BCL2: variants seen among roughly 807,000 people sequenced by gnomAD.
BCL2 encodes apoptosis regulator Bcl-2.
BCL2 carries 1 observed loss-of-function variant against 14.2 expected under a neutral mutation model. That is an observed-to-expected ratio of 0.07 (90% CI 0.02 to 0.33). BCL2 has a LOEUF of 0.33. Ranked by LOEUF, BCL2 falls within the 10% of genes least tolerant of loss-of-function variation. The probability of loss-of-function intolerance (pLI) is 0.99; values close to 1 mark genes in which losing one functional copy is unlikely to be tolerated. For synonymous variants in BCL2, 151 were observed against 137.2 expected (o/e 1.10, Z -0.70); for missense variants, 247 against 305.9 (o/e 0.81, Z 1.44).
chr18:63,274,953 A>G (rs1222402108), intron 2 of BCL2, among the ~76,000 whole-genome samples: 1 of 152,190 alleles, frequency 6.6e-6, no homozygotes, highest in Non-Finnish European at 1.5e-5. Flanking sequence ...CACGGGCCCA[A>G]ACACCTATTG....
At chr18:63,221,583 G>A (rs2144161062) in intron 2 of BCL2, among the ~76,000 whole-genome samples, 1 of 152,374 alleles carries the variant, frequency 6.6e-6, no homozygotes, top group South Asian at 2.1e-4. Flanking sequence ...CCTGGGAATA[G>A]TGGTGAGATT....
At chr18:63,175,258 G>A (rs1915326593) in intron 2 of BCL2, among the ~76,000 whole-genome samples, 1 of 152,054 alleles carries the variant, frequency 6.6e-6, no homozygotes, top group African/African-American at 2.4e-5. Flanking sequence ...TTTAAAGATT[G>A]TTCCATTTGT....
At chr18:63,169,592 G>T (rs1915176272) in intron 2 of BCL2, among the ~76,000 whole-genome samples, 1 of 145,034 alleles carries the variant, frequency 6.9e-6, no homozygotes, top group South Asian at 2.2e-4. Context: ...GCATGATCTT[G>T]GCTCACTGCA....
At chr18:63,202,244 G>A (rs1789775404) in intron 2 of BCL2, among the ~76,000 whole-genome samples, 1 of 152,198 alleles carries the variant, frequency 6.6e-6, no homozygotes, top group Admixed American at 6.5e-5. Flanking sequence ...AGGAGGCGGA[G>A]GTTGCAGTGA....
intron 2 of BCL2, among the ~76,000 whole-genome samples, chr18:63,169,316 C>T (rs951237422): frequency 0.02 from 1,506 of 75,478 alleles, 55 homozygotes; most frequent in South Asian, 0.025. Context: ...TTCTTCCTTC[C>T]TTCCTTCTTT....
At chr18:63,288,895 T>C (rs1186238048) in intron 2 of BCL2, among the ~76,000 whole-genome samples, 1 of 152,172 alleles carries the variant, frequency 6.6e-6, no homozygotes, top group Non-Finnish European at 1.5e-5. Context: ...TGCTGGCACA[T>C]TTAGGCAGGG....
chr18:63,318,472 C>T lies in BCL2; in HGVS notation c.195G>A (p.Pro65=), dbSNP rs1353397959. ...TCTGCAGCGGCGAGGTCCTGGCGAC[C>T]GGGTCCCGGGATGCGGCTGGATGGG... The part of the protein sequence containing the change: ...HTPHPAASRD[P]VARTSPLQTP... The change falls in exon 2 of 3, where the codon CCG becomes CCA. Residue 65 remains proline (P), a synonymous_variant. Coordinates refer to ENST00000333681, the MANE Select transcript of BCL2 (RefSeq NM_000633.3). This position sits in a 1 kb window ranked among gnomAD's most constrained non-coding sequence, Gnocchi z 7.4. 6.8e-7 allele frequency: 1 copy of T among 1,469,488 alleles called. No individual in the cohort carries two copies. The highest frequency in any genetic ancestry group is 2.7e-5 in the Admixed American group (1 of 36,516). 91.0% of individuals were successfully genotyped at this position (1,469,488 alleles called of 1,614,324 possible). A position where few individuals can be genotyped will look rare whatever the true frequency, so the allele number is the denominator to read the frequency against.
chr18:63,156,458 T>C (rs754843953), intron 2 of BCL2, among the ~76,000 whole-genome samples: 3 of 152,098 alleles, frequency 2.0e-5, no homozygotes, highest in Non-Finnish European at 4.4e-5. Flanking sequence ...AAACCCGAAA[T>C]GTCTCCAGGC....
At chr18:63,235,441 T>C (rs947693860) in intron 2 of BCL2, among the ~76,000 whole-genome samples, 1 of 152,196 alleles carries the variant, frequency 6.6e-6, no homozygotes, top group Non-Finnish European at 1.5e-5. Flanking sequence ...CAACACAGCA[T>C]GGAAAATGTA....
intron 2 of BCL2, among the ~76,000 whole-genome samples, chr18:63,293,567 C>A (rs186056066): frequency 2.4e-4 from 37 of 152,232 alleles, no homozygotes; most frequent in African/African-American, 8.4e-4. Context: ...TCCTAGAAGA[C>A]GGGACAGCAG....
intron 2 of BCL2, among the ~76,000 whole-genome samples, chr18:63,129,107 G>A (rs900594331): frequency 3.3e-5 from 5 of 152,090 alleles, no homozygotes; most frequent in East Asian, 1.9e-4. Context: ...GCTAAGGGCC[G>A]AGGAGAAAAA....
chr18:63,261,288 T>C (rs1481189984), intron 2 of BCL2, among the ~76,000 whole-genome samples: 2 of 151,988 alleles, frequency 1.3e-5, no homozygotes, highest in Non-Finnish European at 2.9e-5. Context: ...TGGTTGTGAG[T>C]GACATGAAAC....
chr18:63,218,748 CTCCACTCATCCCCCTCT>C (rs1910291701), intron 2 of BCL2, among the ~76,000 whole-genome samples: 5 of 85,634 alleles, frequency 5.8e-5, no homozygotes, highest in Admixed American at 1.2e-4. Context: ...CATCTCCATC[CTCCACTCATCCCCCTCT>C]ACTCATCCCC....
At chr18:63,173,920 A>G (rs1006529343) in intron 2 of BCL2, among the ~76,000 whole-genome samples, 1 of 152,224 alleles carries the variant, frequency 6.6e-6, no homozygotes, top group Non-Finnish European at 1.5e-5. Context: ...TGAGAAAAAC[A>G]TAATAAGAAT....
At chr18:63,151,108 C>T (rs1298904768) in intron 2 of BCL2, 2 of 152,064 alleles carry the variant, frequency 1.3e-5, no homozygotes, top group Admixed American at 6.5e-5. Flanking sequence ...GAAATTTTCC[C>T]CCTTCTTGTG....
Position 63,318,456 on chromosome 18 carries a change from G to T in BCL2, c.211C>A (p.Pro71Thr). 6.8e-7 allele frequency: 1 copy of T among 1,471,892 alleles called. No homozygotes were observed. Among genetic ancestry groups the T allele is most frequent in the Non-Finnish European group, 8.9e-7 (1 of 1,122,532 alleles). 91.2% of individuals were successfully genotyped at this position (1,471,892 alleles called of 1,614,324 possible). Residue 71 changes from proline to threonine, a missense_variant, in exon 2 of 3, where the codon CCG (proline) becomes ACG (threonine). Around this residue, in one of 3 missense-constraint regions of BCL2, gnomAD observed 144 missense variants for 135.3 expected, o/e 1.06. Coordinates refer to ENST00000333681, the MANE Select transcript of BCL2 (RefSeq NM_000633.3). The surrounding 1 kb of genome is among the most constrained non-coding windows in gnomAD (Gnocchi z 7.4). ...ASRDPVARTS[P>T]LQTPAAPGAA... Reference sequence around the variant, plus strand: ...CCGGGGGCAGCCGGGGTCTGCAGCGGCGAGGTCCTGGCGACCGGGTCCCGG... The same window carrying T: ...CCGGGGGCAGCCGGGGTCTGCAGCGTCGAGGTCCTGGCGACCGGGTCCCGG...
intron 2 of BCL2, among the ~76,000 whole-genome samples, chr18:63,136,518 T>C (rs1914209807): frequency 6.6e-6 from 1 of 152,132 alleles, no homozygotes; most frequent in African/African-American, 2.4e-5. Flanking sequence ...AAGACAAAGA[T>C]TTGAGTGCAA....
chr18:63,229,338 T>A (rs1910629399), intron 2 of BCL2, among the ~76,000 whole-genome samples: 1 of 152,138 alleles, frequency 6.6e-6, no homozygotes, highest in Non-Finnish European at 1.5e-5. Flanking sequence ...GAAAGTGGTA[T>A]TTAGGTGGTG....
At chr18:63,212,070 G>A (rs989497042) in intron 2 of BCL2, among the ~76,000 whole-genome samples, 3 of 152,310 alleles carry the variant, frequency 2.0e-5, no homozygotes, top group Admixed American at 1.3e-4. Flanking sequence ...GCTCACGCCT[G>A]TAATCCCAGC....
Sources: gnomAD v4.1 joint callset for allele counts (sites outside exome capture counted in the v4.1 genomes callset) on GRCh38, gnomAD v4.1.1 for gene constraint, gnomAD v4.1.1 regional missense constraint, Gnocchi (gnomAD v3.1) non-coding constraint, MANE v1.5 for transcripts, NCBI Gene and HGNC (gene_info 2026-07-23, HGNC 2026-07-21) for gene names.